Variants in DUOX1 observed in about 807,000 individuals in gnomAD.
The protein encoded by DUOX1 is NADPH thyroid oxidase 1.
A neutral mutation model predicts 181.8 loss-of-function variants in DUOX1; 134 were observed. The observed-to-expected ratio is 0.74, with a 90% CI of 0.64 to 0.85. The LOEUF is 0.85. Among genes scored for constraint, DUOX1 ranks in the 40% least tolerant of loss-of-function variants. DUOX1 has a pLI of 0.00. For synonymous variants in DUOX1, 798 were observed against 832.5 expected, an observed-to-expected ratio of 0.96 and a Z score of 0.71; for missense variants, 1,814 against 2,064.4, an observed-to-expected ratio of 0.88 and a Z score of 2.35.
At chr15:45,144,310 A>C in intron 17 of DUOX1, 75 bp downstream of exon 17, 2 of 1,506,792 alleles carry the variant, frequency 1.3e-6, no homozygotes, top group Middle Eastern at 1.9e-4. Flanking sequence ...GGGAAGAAGC[A>C]TGGGGTCAGG....
At chr15:45,164,048 T>G in intron 33 of DUOX1, 130 bp downstream of exon 33, 1 of 1,395,484 alleles carries the variant, frequency 7.2e-7, no homozygotes, top group Non-Finnish European at 9.8e-7. Flanking sequence ...ATTGGTGGGG[T>G]AATGGAATGG....
chr15:45,163,830 G>A lies in DUOX1; in HGVS notation c.4445G>A (p.Ser1482Asn), dbSNP rs1033586436. 5.6e-6 allele frequency: 9 copies of A among 1,614,002 alleles called. No homozygotes were observed. The highest frequency in any genetic ancestry group is 2.7e-5 in the African/African-American group (2 of 74,902). ...CACTTCCAGAAGGTTCTGAACCGGA[G>A]TCTATTCACAGGCCTGCGCTCCATC... ...ERHFQKVLNR[S>N]LFTGLRSITH... is the part of the protein sequence containing the mutation. The change falls in exon 33 of 34, where the codon AGT becomes AAT. Residue 1482 changes from serine to asparagine, a missense_variant. Physicochemically the swap from Ser to Asn is conservative, Grantham distance 46. Around this residue, in one of 5 missense-constraint regions of DUOX1, gnomAD observed 124 missense variants for 125.7 expected, o/e 0.99. Coordinates refer to ENST00000389037, the MANE Select transcript of DUOX1 (RefSeq NM_175940.3).
In DUOX1 at chr15:45,143,187, C is replaced by A; in HGVS notation, c.1823-3C>A. 6.2e-7 allele frequency: 1 copy of A among 1,613,546 alleles called. No homozygotes were observed. On this transcript the variant is annotated splice_polypyrimidine_tract_variant and splice_region_variant and intron_variant, in intron 15 of 33. Transcript: ENST00000389037. ...CCCTGAACCTCTGCCTCTGCCCTCC[C>A]AGTGAGCCTGCTCAGTGCCTGGATT...
intron 21 of DUOX1, among the ~76,000 whole-genome samples, chr15:45,148,858 C>G (rs552484169): frequency 6.6e-6 from 1 of 151,794 alleles, no homozygotes; most frequent in African/African-American, 2.4e-5. Flanking sequence ...CTGTTACAGC[C>G]CTACCCAGGC....
At chr15:45,137,226 G>A (rs1335094695) in intron 9 of DUOX1, among the ~76,000 whole-genome samples, 8 of 149,666 alleles carry the variant, frequency 5.3e-5, no homozygotes, top group Admixed American at 5.3e-4. Flanking sequence ...CAGGCATGGT[G>A]GTGCATGCCT....
At position 45,135,612 on chromosome 15, in the gene DUOX1, C is replaced by A. The variant is rs1467283421; in HGVS notation, c.634C>A (p.Pro212Thr). 6.4e-7 allele frequency: 1 copy of A among 1,561,004 alleles called. No homozygotes were observed. Among genetic ancestry groups the A allele is most frequent in the South Asian group, 1.2e-5 (1 of 85,222 alleles). Reference protein sequence around the residue: ...DPAFPRDSQNPLLMWAAPDPA... With the variant: ...DPAFPRDSQNTLLMWAAPDPA... The stretch of plus-strand genomic sequence containing the variant: ...CGCTTTTCCCCGAGACTCGCAGAAC[C>A]CCCTGCTCATGTGGGCGGCGCCCGA... The change falls in exon 6 of 34, where the codon CCC (proline) becomes ACC (threonine). Residue 212 changes from proline to threonine, a missense_variant. Pro to Thr is a conservative substitution (Grantham distance 38, BLOSUM62 -1). Coordinates refer to ENST00000389037, the MANE Select transcript of DUOX1 (RefSeq NM_175940.3).
rs187615014 is a variant in DUOX1, at chr15:45,149,742, C to T, written c.2819-890C>T. On this transcript the variant is annotated intron_variant, in intron 21 of 33. Coordinates refer to ENST00000389037, the MANE Select transcript of DUOX1 (RefSeq NM_175940.3). ...TGGCACATGCCTGTAGTCCCAAGTA[C>T]TCCAGAGGCTGAGGCACAAGAATCG... Among the ~76,000 whole-genome samples, 4 of 152,314 alleles carry T rather than the reference C, an allele frequency of 2.6e-5. No homozygotes were observed. In the East Asian group the frequency reaches 7.7e-4, roughly 29 times the overall value.
chr15:45,150,571 G>C (rs1030737747), intron 21 of DUOX1, 61 bp from the exon 22 acceptor site: 5 of 1,523,022 alleles, frequency 3.3e-6, no homozygotes, highest in Non-Finnish European at 4.5e-6. Flanking sequence ...CTGTGCGTTT[G>C]AGCCAGGTCT....
intron 2 of DUOX1, 56 bp downstream of exon 2, chr15:45,132,080 TGG>T: frequency 1.3e-6 from 2 of 1,492,150 alleles, no homozygotes; most frequent in Non-Finnish European, 1.8e-6. Flanking sequence ...CAGCATCCTC[TGG>T]GCTCCCCCAA....
intron 15 of DUOX1, among the ~76,000 whole-genome samples, 190 bp from the exon 16 acceptor site, chr15:45,143,000 T>C (rs1428267843): frequency 2.0e-5 from 3 of 151,988 alleles, no homozygotes; most frequent in African/African-American, 7.2e-5. Context: ...GTATCTTAGA[T>C]GCTACCCAAA....
rs375340969 is a variant in DUOX1, at chr15:45,137,917, A to G, written c.1023-7A>G. The G allele has an allele frequency of 2.1e-4, 343 of 1,599,968 alleles. No individual in the cohort carries two copies. Among genetic ancestry groups the G allele is most frequent in the Non-Finnish European group, 2.7e-4 (312 of 1,172,204 alleles). ...CAATCACCATCTCCCTGCTCCTTGC[A>G]TTTCAGAAATGCCAGCTGCCACTTC... On this transcript the variant is annotated splice_polypyrimidine_tract_variant and splice_region_variant and intron_variant, in intron 9 of 33. Coordinates refer to ENST00000389037, the MANE Select transcript of DUOX1 (RefSeq NM_175940.3).
Position 45,163,555 on chromosome 15 carries a change from G to A in DUOX1, c.4272G>A (p.Arg1424=), listed in dbSNP as rs760783340. The A allele has an allele frequency of 2.1e-5, 34 of 1,614,054 alleles. No individual in the cohort carries two copies. Among genetic ancestry groups the A allele is most frequent in the Non-Finnish European group, 2.7e-5 (32 of 1,180,042 alleles). Residue 1424 remains arginine, a synonymous_variant, in exon 32 of 34, where the codon CGG becomes CGA. Coordinates refer to ENST00000389037, the MANE Select transcript of DUOX1 (RefSeq NM_175940.3). ...AGATCTACTTCATCTGGGTGACGCG[G>A]ACCCAGCGTCAGTTTGAGTGGCTGG... The part of the protein sequence containing the change: ...CKKIYFIWVT[R]TQRQFEWLAD...
rs749374584 is a variant in DUOX1 at position 45,153,960 on chromosome 15, C to T, written c.3534C>T (p.Leu1178=). Reference sequence around the variant, plus strand: ...TGTCCCTTCCACACAGGTCTGAGCTCCCCCAGAAGTATTACTGGTGGTTCT... The same window carrying T: ...TGTCCCTTCCACACAGGTCTGAGCTTCCCCAGAAGTATTACTGGTGGTTCT... ...PGLFHDDGSE[L]PQKYYWWFFQ... Residue 1178 remains leucine (L), a synonymous_variant, in exon 27 of 34, where the codon CTC becomes CTT. Transcript: ENST00000389037. 4 of 1,612,848 alleles carry T rather than the reference C, an allele frequency of 2.5e-6. No individual in the cohort carries two copies. The highest frequency in any genetic ancestry group is 2.2e-5 in the East Asian group (1 of 44,886).
chr15:45,152,042 G>A lies in DUOX1; in HGVS notation c.3183G>A (p.Glu1061=). 2 of 1,614,074 alleles carry A rather than the reference G, an allele frequency of 1.2e-6. No homozygotes were observed. The highest frequency in any genetic ancestry group is 1.7e-6 in the Non-Finnish European group (2 of 1,179,964). ...CCATCGCTGGGGGGCTTTTCCTGGA[G>A]AGGGCCTACTGTGAGTGACTTTACT... The part of the protein sequence containing the change: ...FYAIAGGLFL[E]RAYYYAFAAH... Residue 1061 remains glutamate (E), a synonymous_variant, in exon 24 of 34, where the codon GAG becomes GAA. Transcript: ENST00000389037.
rs1315691636 is a variant in DUOX1 at position 45,160,510 on chromosome 15, G to T, written c.3703-327G>T. On this transcript the variant is annotated intron_variant, in intron 28 of 33. Transcript: ENST00000389037. ...TGAACTTTAAAAAGTCACACTGGCTGCCTTGAAGAGACAGGAATTACAGTG... is the reference window on the plus strand; with the variant it reads ...TGAACTTTAAAAAGTCACACTGGCTTCCTTGAAGAGACAGGAATTACAGTG... 5.0e-5 allele frequency among the ~76,000 whole-genome samples: 7 copies of T among 140,148 alleles called. No individual in the cohort carries two copies. In the Admixed American group the frequency reaches 5.2e-4, roughly 10 times the overall value. 91.9% of individuals were successfully genotyped at this position (140,148 alleles called of 152,430 possible). A position where few individuals can be genotyped will look rare whatever the true frequency, so the allele number is the denominator to read the frequency against.
chr15:45,141,115 G>A lies in DUOX1; in HGVS notation c.1565+45G>A, dbSNP rs144300997. On this transcript the variant is annotated intron_variant, in intron 13 of 33. Transcript: ENST00000389037. ...CGCCTCAGGCTCTACCTCGGCCTGG[G>A]CCCCAGACCCTCTTTCTGGCCTTAG... 3.7e-6 allele frequency: 6 copies of A among 1,611,238 alleles called. No individual in the cohort carries two copies. The African/African-American group carries it at 6.7e-5, about 18-fold the overall frequency.
intron 2 of DUOX1, 101 bp downstream of exon 2, chr15:45,132,125 T>A (rs1231320500): frequency 9.2e-7 from 1 of 1,089,292 alleles, no homozygotes; most frequent in East Asian, 2.5e-5. Flanking sequence ...ATCTGTATCT[T>A]TAGTCTCTAG....
chr15:45,158,756 T>G, intron 28 of DUOX1, among the ~76,000 whole-genome samples: 1 of 141,190 alleles, frequency 7.1e-6, no homozygotes. Context: ...CTGTGGAGGG[T>G]CTTTTATGTA....
In DUOX1 at chr15:45,148,375, A is replaced by C; in HGVS notation, c.2746A>C (p.Thr916Pro). ...GGGATTCCAGGACAAGGAGGAACTG[A>C]CATGGGAAGATTTTCACTTCATGCT... ...ESGFQDKEEL[T>P]WEDFHFMLRD... Residue 916 changes from threonine (T) to proline (P), a missense_variant, in exon 21 of 34, where the codon ACA (threonine) becomes CCA (proline). By Grantham distance (38) the Thr-to-Pro change is conservative. Coordinates refer to ENST00000389037, the MANE Select transcript of DUOX1 (RefSeq NM_175940.3). The C allele has an allele frequency of 6.2e-7, 1 of 1,614,230 alleles. No homozygotes were observed. The highest frequency in any genetic ancestry group is 8.5e-7 in the Non-Finnish European group (1 of 1,180,046).
Sources: gnomAD v4.1 joint callset for allele counts (sites outside exome capture counted in the v4.1 genomes callset) on GRCh38, gnomAD v4.1.1 for gene constraint, gnomAD v4.1.1 regional missense constraint, MANE v1.5 for transcripts, NCBI Gene and HGNC (gene_info 2026-07-23, HGNC 2026-07-21) for gene names.